Variants in CPNE4 observed in about 807,000 individuals in gnomAD.
CPNE4 encodes the protein copine 4.
A neutral mutation model predicts 67.9 loss-of-function variants in CPNE4; 25 were observed. That is an observed-to-expected ratio of 0.37 (90% CI 0.27 to 0.51). The LOEUF is 0.51. Among genes scored for constraint, CPNE4 ranks in the 20% least tolerant of loss-of-function variants. CPNE4 has a pLI of 0.93. For missense variants in CPNE4, 464 were observed against 690.8 expected (o/e 0.67, Z 3.68); for synonymous variants, 242 against 244.9 (o/e 0.99, Z 0.11).
At chr3:131,811,517 A>G (rs2084525522) in intron 2 of CPNE4, among the ~76,000 whole-genome samples, 1 of 152,160 alleles carries the variant, frequency 6.6e-6, no homozygotes, top group Non-Finnish European at 1.5e-5. Context: ...AAAGTCACCT[A>G]GTACGAACTG....
intron 1 of CPNE4, among the ~76,000 whole-genome samples, chr3:132,015,363 T>C (rs2073866174): frequency 6.6e-6 from 1 of 152,178 alleles, no homozygotes; most frequent in African/African-American, 2.4e-5. Flanking sequence ...AGCAGGCATA[T>C]CTTCCCCCTT....
At chr3:131,629,517 T>A (rs2079166463) in intron 7 of CPNE4, among the ~76,000 whole-genome samples, 1 of 152,104 alleles carries the variant, frequency 6.6e-6, no homozygotes, top group Non-Finnish European at 1.5e-5. Context: ...TGATCTTGGC[T>A]CACTGCACCC....
chr3:131,749,375 T>C (rs953110617), intron 2 of CPNE4, among the ~76,000 whole-genome samples: 1 of 152,188 alleles, frequency 6.6e-6, no homozygotes, highest in African/African-American at 2.4e-5. Flanking sequence ...GCCCAAGATA[T>C]AGTCTATCTT....
At chr3:131,850,621 A>G (rs899016888) in intron 2 of CPNE4, among the ~76,000 whole-genome samples, 1 of 152,158 alleles carries the variant, frequency 6.6e-6, no homozygotes, top group African/African-American at 2.4e-5. Flanking sequence ...AGATTGTTCA[A>G]TAAGAATTTA....
intron 1 of CPNE4, among the ~76,000 whole-genome samples, chr3:131,967,358 G>A (rs2072379581): frequency 6.6e-6 from 1 of 152,168 alleles, no homozygotes; most frequent in Admixed American, 6.5e-5. Context: ...ACATAGTGTT[G>A]GAAGTTCTGG....
At chr3:131,573,283 A>G (rs940019574) in intron 10 of CPNE4, among the ~76,000 whole-genome samples, 1 of 151,826 alleles carries the variant, frequency 6.6e-6, no homozygotes, top group South Asian at 2.1e-4. Flanking sequence ...CACACCTCCC[A>G]CAGGTCTATC....
Position 131,717,890 on chromosome 3 carries a change from CTT to C in CPNE4, c.360+5554_360+5555del, listed in dbSNP as rs3039242. 9.0e-3 allele frequency among the ~76,000 whole-genome samples: 538 copies of C among 59,670 alleles called. 26 individuals carry two copies. The highest frequency in any genetic ancestry group is 0.018 in the Non-Finnish European group (389 of 21,066). The allele number at this position is 59,670 out of a possible 152,430, so 39.1% of individuals were successfully genotyped here. ...CTTTCTTTCTTTTCTTTCTTTCTTTCTTTCTTTCTTTCTTTCTTTCTTTCTTT... is the reference window on the plus strand; with the variant it reads ...CTTTCTTTCTTTTCTTTCTTTCTTTCTCTTTCTTTCTTTCTTTCTTTCTTT... On this transcript the variant is annotated intron_variant, in intron 3 of 15. Transcript: ENST00000429747.
At chr3:131,985,270 A>C (rs1701322362) in intron 1 of CPNE4, among the ~76,000 whole-genome samples, 1 of 152,226 alleles carries the variant, frequency 6.6e-6, no homozygotes, top group Non-Finnish European at 1.5e-5. Flanking sequence ...ATTGGGGATT[A>C]AGATTTCAAC....
chr3:131,948,247 C>T (rs144690514), intron 1 of CPNE4, among the ~76,000 whole-genome samples: 114 of 152,232 alleles, frequency 7.5e-4, no homozygotes, highest in Non-Finnish European at 1.8e-4. Flanking sequence ...AATTGGATCA[C>T]GGGGGCAGTT....
At chr3:131,564,461 A>G in intron 10 of CPNE4, 112 bp from the exon 11 acceptor site, 2 of 906,182 alleles carry the variant, frequency 2.2e-6, no homozygotes, top group South Asian at 3.5e-5. Context: ...AGCACATTAC[A>G]TACCCTGCCA....
Position 132,034,722 on chromosome 3 carries a change from C to T in CPNE4, c.-157G>A, listed in dbSNP as rs545691830. 113 of 985,202 alleles carry T rather than the reference C, an allele frequency of 1.1e-4. 2 individuals are homozygous for T. The South Asian group carries it at 3.3e-3, about 29-fold the overall frequency. 61.0% of individuals were successfully genotyped at this position (985,202 alleles called of 1,614,324 possible). A position where few individuals can be genotyped will look rare whatever the true frequency, so the allele number is the denominator to read the frequency against. On this transcript the variant is annotated 5_prime_UTR_variant, in exon 1 of 16. Coordinates refer to ENST00000429747, the MANE Select transcript of CPNE4 (RefSeq NM_130808.3). ...CGTCGCACCTCCTTCCCCTCTCGTC[C>T]TCCGAGGTCAGTTTAGCAACAGCGG...
At chr3:131,647,556 G>A (rs1477180021) in intron 7 of CPNE4, among the ~76,000 whole-genome samples, 1 of 152,134 alleles carries the variant, frequency 6.6e-6, no homozygotes. Context: ...AAGAATAGGG[G>A]CACATTGTCA....
intron 1 of CPNE4, among the ~76,000 whole-genome samples, chr3:131,978,077 A>T (rs1365329311): frequency 2.9e-5 from 1 of 34,056 alleles, no homozygotes; most frequent in Non-Finnish European, 4.9e-5. Flanking sequence ...AAATATATAT[A>T]AATATATATA....
chr3:131,876,905 A>G (rs1229989689), intron 2 of CPNE4, among the ~76,000 whole-genome samples: 1 of 152,154 alleles, frequency 6.6e-6, no homozygotes, highest in Non-Finnish European at 1.5e-5. Context: ...CTATTTTTCC[A>G]AAACCATTCT....
intron 7 of CPNE4, among the ~76,000 whole-genome samples, chr3:131,618,427 A>G (rs1217999317): frequency 6.6e-6 from 1 of 152,122 alleles, no homozygotes; most frequent in Non-Finnish European, 1.5e-5. Context: ...TCTTTTAGCA[A>G]TTTTGAAGTA....
chr3:131,886,007 T>A (rs1478599645), intron 2 of CPNE4, among the ~76,000 whole-genome samples: 2 of 152,162 alleles, frequency 1.3e-5, no homozygotes, highest in African/African-American at 4.8e-5. Context: ...GAAATTTGCA[T>A]AAGTAACAAG....
intron 1 of CPNE4, among the ~76,000 whole-genome samples, chr3:131,949,745 C>T (rs1430960884): frequency 6.6e-6 from 1 of 152,130 alleles, no homozygotes; most frequent in Non-Finnish European, 1.5e-5. Flanking sequence ...CATACTACCC[C>T]ACAGGACTCA....
chr3:131,978,185 AATATATT>A (rs1336939704), intron 1 of CPNE4, among the ~76,000 whole-genome samples: 1 of 59,708 alleles, frequency 1.7e-5, no homozygotes, highest in African/African-American at 1.1e-4. Context: ...AAATATATAT[AATATATT>A]TATAATTATT....
intron 2 of CPNE4, among the ~76,000 whole-genome samples, chr3:131,865,398 T>C (rs2107679784): frequency 7.1e-6 from 1 of 140,376 alleles, no homozygotes; most frequent in Non-Finnish European, 1.5e-5. Flanking sequence ...CTTTTAAAAA[T>C]GCCCTTCACC....
Sources: gnomAD v4.1 joint callset for allele counts (sites outside exome capture counted in the v4.1 genomes callset) on GRCh38, gnomAD v4.1.1 for gene constraint, MANE v1.5 for transcripts, NCBI Gene and HGNC (gene_info 2026-07-23, HGNC 2026-07-21) for gene names.